Variants in SPAG1 observed in about 807,000 individuals in gnomAD.
SPAG1 encodes sperm associated antigen 1.
Under a neutral mutation model 100.5 loss-of-function variants are expected in SPAG1, and 69 were observed. That is an observed-to-expected ratio of 0.69 (90% confidence interval 0.57 to 0.84). The LOEUF is 0.84. Ranked by LOEUF, SPAG1 falls within the 40% of genes least tolerant of loss-of-function variation. The pLI is 0.00. For synonymous variants in SPAG1, 336 were observed against 411.6 expected, an observed-to-expected ratio of 0.82 and a Z score of 2.22; for missense variants, 955 against 1,133.1, an observed-to-expected ratio of 0.84 and a Z score of 2.26.
rs745414102 is a variant in SPAG1 at position 100,240,551 on chromosome 8, G to A, written c.2429G>A (p.Gly810Asp). 2 of 1,614,080 alleles carry A rather than the reference G, an allele frequency of 1.2e-6. No homozygotes were observed. Among genetic ancestry groups the A allele is most frequent in the Non-Finnish European group, 1.7e-6 (2 of 1,179,998 alleles). ...IAKPNNAYEF[G>D]QIINALSTRK... Reference sequence around the variant, plus strand: ...AAGCCTAATAATGCCTATGAATTTGGTCAGATTATAAATGCTCTCAGTACC... The same window carrying A: ...AAGCCTAATAATGCCTATGAATTTGATCAGATTATAAATGCTCTCAGTACC... The change falls in exon 18 of 19, where the codon GGT becomes GAT. Residue 810 changes from glycine to aspartate, a missense_variant. Gly to Asp is a moderately conservative substitution (Grantham distance 94). Transcript: ENST00000388798.
At chr8:100,159,697 T>C (rs945060936) in intron 1 of SPAG1, among the ~76,000 whole-genome samples, 8 of 152,236 alleles carry the variant, frequency 5.3e-5, no homozygotes, top group African/African-American at 1.9e-4. Context: ...CAATATTTAC[T>C]TTAATGTTAT....
chr8:100,166,016 T>C lies in SPAG1; in HGVS notation c.300+43T>C, dbSNP rs1484057195. On this transcript the variant is annotated intron_variant, in intron 3 of 18. Transcript: ENST00000388798. Reference sequence around the variant, plus strand: ...TTTTCCATAGATATTGTTGAGACATTCTATATATGTTTACTTCACTTATCG... The same window carrying C: ...TTTTCCATAGATATTGTTGAGACATCCTATATATGTTTACTTCACTTATCG... 3 of 1,504,262 alleles carry C rather than the reference T, an allele frequency of 2.0e-6. No homozygotes were observed. In the Admixed American group the frequency reaches 5.7e-5, roughly 29 times the overall value. The allele number at this position is 1,504,262 out of a possible 1,614,324, so 93.2% of individuals were successfully genotyped here.
chr8:100,165,987 C>G lies in SPAG1; in HGVS notation c.300+14C>G. 3.2e-6 allele frequency: 5 copies of G among 1,585,146 alleles called. No homozygotes were observed. Among genetic ancestry groups the G allele is most frequent in the Non-Finnish European group, 3.4e-6 (4 of 1,162,638 alleles). ...GGTGATATAAAGGTATATAGTAATA[C>G]CAATTTTCCATAGATATTGTTGAGA... On this transcript the variant is annotated intron_variant, in intron 3 of 18. Coordinates refer to ENST00000388798, the MANE Select transcript of SPAG1 (RefSeq NM_003114.5).
intron 14 of SPAG1, among the ~76,000 whole-genome samples, chr8:100,227,190 A>G (rs1818555759): frequency 6.6e-6 from 1 of 152,246 alleles, no homozygotes; most frequent in Admixed American, 6.5e-5. Flanking sequence ...TGTGTAATGC[A>G]GGTGCTTCCT....
chr8:100,203,864 C>A (rs563545359), intron 10 of SPAG1, among the ~76,000 whole-genome samples: 2 of 152,092 alleles, frequency 1.3e-5, no homozygotes, highest in African/African-American at 2.4e-5. Context: ...TCTCATCATG[C>A]GAGTGGCTGA....
At chr8:100,231,741 C>T (rs1188553269) in intron 15 of SPAG1, among the ~76,000 whole-genome samples, 3 of 152,112 alleles carry the variant, frequency 2.0e-5, no homozygotes, top group African/African-American at 7.2e-5. Flanking sequence ...GGGTGGATCA[C>T]GAGGTCAGGA....
chr8:100,215,983 T>C (rs1817969911), intron 12 of SPAG1, among the ~76,000 whole-genome samples: 1 of 152,252 alleles, frequency 6.6e-6, no homozygotes, highest in Admixed American at 6.5e-5. Context: ...TCCTCAGTTG[T>C]GCTGGCTCAC....
Position 100,159,715 on chromosome 8 carries a change from G to A in SPAG1, c.-3+1099G>A, listed in dbSNP as rs183310433. 3.3e-3 allele frequency among the ~76,000 whole-genome samples: 497 copies of A among 152,272 alleles called. 10 individuals carry two copies. Among genetic ancestry groups the A allele is most frequent in the Non-Finnish European group, 2.5e-3 (172 of 68,016 alleles). On this transcript the variant is annotated intron_variant, in intron 1 of 18. Coordinates refer to ENST00000388798, the MANE Select transcript of SPAG1 (RefSeq NM_003114.5). ...TATTTACTTTAATGTTATATGTCAG[G>A]TAGTCTATTTTTTATTCTATTCCAT...
chr8:100,210,500 T>C (rs775550824), intron 10 of SPAG1, among the ~76,000 whole-genome samples: 1 of 152,206 alleles, frequency 6.6e-6, no homozygotes, highest in Non-Finnish European at 1.5e-5. Flanking sequence ...ATAGTTGTTA[T>C]TGTTGACTCC....
chr8:100,190,653 C>CTT (rs966810613), intron 8 of SPAG1, among the ~76,000 whole-genome samples: 2 of 126,220 alleles, frequency 1.6e-5, no homozygotes, highest in South Asian at 2.5e-4. Flanking sequence ...CAGTAATATA[C>CTT]TTTTTTTTTC....
chr8:100,225,424 T>A, intron 14 of SPAG1, 85 bp downstream of exon 14: 1 of 1,258,940 alleles, frequency 7.9e-7, no homozygotes, highest in Non-Finnish European at 1.1e-6. Flanking sequence ...GATAAGAGCA[T>A]TAATTCTAGA....
intron 11 of SPAG1, 72 bp from the exon 12 acceptor site, chr8:100,213,747 C>CGTCTT: frequency 1.0e-6 from 1 of 960,074 alleles, no homozygotes; most frequent in Non-Finnish European, 1.6e-6. Context: ...AGACCTCGGC[C>CGTCTT]GTCTTGTAAT....
chr8:100,235,483 G>A (rs1818962497), intron 16 of SPAG1, among the ~76,000 whole-genome samples: 1 of 152,168 alleles, frequency 6.6e-6, no homozygotes. Context: ...GTTCTGGCTG[G>A]GTGGCTGAGG....
intron 10 of SPAG1, 51 bp from the exon 11 acceptor site, chr8:100,213,039 A>C (rs1163263078): frequency 6.2e-6 from 7 of 1,135,228 alleles, no homozygotes; most frequent in Admixed American, 5.5e-5. Context: ...CCTCCGCGGC[A>C]ACTGCTCCCG....
intron 3 of SPAG1, among the ~76,000 whole-genome samples, chr8:100,176,439 C>T (rs6999913): frequency 0.022 from 3,278 of 151,042 alleles, 101 homozygotes; most frequent in African/African-American, 0.072. Context: ...AATCTCGGCT[C>T]GCTACAACCT....
intron 12 of SPAG1, among the ~76,000 whole-genome samples, chr8:100,215,816 G>T (rs182311590): frequency 6.6e-6 from 1 of 152,220 alleles, no homozygotes; most frequent in South Asian, 2.1e-4. Context: ...GAGCCACCGC[G>T]CCCGGCCCAG....
At chr8:100,178,291 A>G (rs1048105059) in intron 4 of SPAG1, among the ~76,000 whole-genome samples, 1 of 151,872 alleles carries the variant, frequency 6.6e-6, no homozygotes, top group African/African-American at 2.4e-5. Flanking sequence ...ACAATTGTAT[A>G]TATCTAGTAG....
chr8:100,239,323 G>T lies in SPAG1; in HGVS notation c.2199G>T (p.Glu733Asp). Residue 733 changes from glutamate (E) to aspartate (D), a missense_variant, in exon 17 of 19, where the codon GAG becomes GAT. Physicochemically the swap from Glu to Asp is conservative, Grantham distance 45 (BLOSUM62 2). Transcript: ENST00000388798. This position sits in a 1 kb window ranked among gnomAD's most constrained non-coding sequence, Gnocchi z 5.0. The stretch of plus-strand genomic sequence containing the variant: ...TTGAGGCAAAGATGGAACTGGAAGA[G>T]GTAACTAGACTCCTTAATCTTAAGG... ...SIIEAKMELE[E>D]VTRLLNLKDK... is the part of the protein sequence containing the mutation. The T allele has an allele frequency of 6.3e-7, 1 of 1,575,804 alleles. No homozygotes were observed. Among genetic ancestry groups the T allele is most frequent in the Non-Finnish European group, 8.6e-7 (1 of 1,159,786 alleles).
At chr8:100,186,919 T>G (rs1305446711) in intron 7 of SPAG1, among the ~76,000 whole-genome samples, 1 of 152,130 alleles carries the variant, frequency 6.6e-6, no homozygotes, top group African/African-American at 2.4e-5. Flanking sequence ...TCACCTTAAT[T>G]AGCTTTTTAA....
Sources: allele counts gnomAD v4.1 joint callset (sites outside exome capture counted in the v4.1 genomes callset), GRCh38; gene constraint gnomAD v4.1.1; non-coding constraint Gnocchi (gnomAD v3.1); transcripts MANE v1.5; gene names NCBI Gene and HGNC (gene_info 2026-07-23, HGNC 2026-07-21).